Variants in RBFOX1 observed in about 807,000 individuals in gnomAD.
RBFOX1 encodes RNA binding protein fox-1 homolog 1.
A neutral mutation model predicts 57.7 loss-of-function variants in RBFOX1; 8 were observed. The ratio of observed to expected loss-of-function variants is 0.14; its 90% CI spans 0.08 to 0.25. The LOEUF (loss-of-function observed/expected upper bound fraction) is 0.25. Ranked by LOEUF, RBFOX1 falls within the 10% of genes least tolerant of loss-of-function variation. The pLI is 1.00. For synonymous variants in RBFOX1, 326 were observed against 222.4 expected (o/e 1.47, Z -4.15); for missense variants, 611 against 548.5 (o/e 1.11, Z -1.14).
chr16:7,580,040 T>C, intron 6 of RBFOX1, 120 bp downstream of exon 6: 2 of 1,090,338 alleles, frequency 1.8e-6, no homozygotes, highest in Non-Finnish European at 1.3e-6. Context: ...GGAGAAACAA[T>C]TTAGAGCCTA....
chr16:6,368,330 C>T (rs1474122926), intron 2 of RBFOX1, among the ~76,000 whole-genome samples: 1 of 152,232 alleles, frequency 6.6e-6, no homozygotes. Context: ...AATCTTCAGT[C>T]TGCAAGGGCA....
At chr16:7,217,973 C>T (rs879558074) in intron 4 of RBFOX1, among the ~76,000 whole-genome samples, 31 of 149,398 alleles carry the variant, frequency 2.1e-4, no homozygotes, top group East Asian at 1.6e-3. Context: ...CCTGTGTCTG[C>T]GTGTGTGCAT....
At chr16:7,700,806 G>T (rs1396701137) in intron 14 of RBFOX1, among the ~76,000 whole-genome samples, 4 of 152,086 alleles carry the variant, frequency 2.6e-5, no homozygotes, top group African/African-American at 9.7e-5. Context: ...TCTGCTGTTG[G>T]GTTTCAGAAT....
rs141460357 is a variant in RBFOX1 at position 6,819,215 on chromosome 16, C to T, written c.-16+164565C>T. Among the ~76,000 whole-genome samples the T allele has an allele frequency of 3.6e-3, 546 of 152,250 alleles. 4 individuals are homozygous for T. The Middle Eastern group carries it at 0.051, about 14-fold the overall frequency. On this transcript the variant is annotated intron_variant, in intron 3 of 15. Transcript: ENST00000550418. ...ATTCTGTTTATTTCCGTATAGAAAT[C>T]GTCTTCATTCCTGTGGTTGGCAATC...
intron 4 of RBFOX1, among the ~76,000 whole-genome samples, chr16:7,208,021 C>T (rs953769009): frequency 1.6e-4 from 25 of 152,156 alleles, no homozygotes; most frequent in Admixed American, 2.6e-4. Context: ...CTGAAACCGG[C>T]GCATGGTATC....
intron 3 of RBFOX1, among the ~76,000 whole-genome samples, chr16:6,981,656 G>T (rs950558070): frequency 1.3e-5 from 2 of 152,196 alleles, no homozygotes; most frequent in Non-Finnish European, 2.9e-5. Context: ...GCAAGCCAGA[G>T]AATTTGTGTA....
chr16:7,207,730 G>C (rs539125892), intron 4 of RBFOX1, among the ~76,000 whole-genome samples: 3 of 152,228 alleles, frequency 2.0e-5, no homozygotes, highest in Admixed American at 1.3e-4. Context: ...CTGTAAGGCA[G>C]TTGCCTCCAA....
At chr16:5,426,808 C>T (rs1028396420) in intron 1 of RBFOX1, among the ~76,000 whole-genome samples, 5 of 152,166 alleles carry the variant, frequency 3.3e-5, no homozygotes, top group Non-Finnish European at 7.3e-5. Flanking sequence ...TTAAATATAA[C>T]AACAGTAAAA....
chr16:7,231,486 G>T (rs966447317), intron 4 of RBFOX1, among the ~76,000 whole-genome samples: 2 of 152,036 alleles, frequency 1.3e-5, no homozygotes. Context: ...GCAGTTCCTC[G>T]GGAAGTTAAG....
At chr16:5,568,657 C>G (rs529090499) in intron 2 of RBFOX1, among the ~76,000 whole-genome samples, 1 of 152,154 alleles carries the variant, frequency 6.6e-6, no homozygotes, top group Admixed American at 6.5e-5. Flanking sequence ...TCCTGCAGTT[C>G]CTTGTCCACC....
intron 4 of RBFOX1, among the ~76,000 whole-genome samples, chr16:7,364,907 G>C (rs1213175869): frequency 2.0e-5 from 3 of 152,160 alleles, no homozygotes; most frequent in South Asian, 2.1e-4. Flanking sequence ...AAGGTGTAAT[G>C]GATACTAGTG....
At chr16:6,450,756 T>TATATATGTGTATATATATATATAC (rs2094573512) in intron 2 of RBFOX1, among the ~76,000 whole-genome samples, 1 of 48,898 alleles carries the variant, frequency 2.0e-5, no homozygotes, top group Non-Finnish European at 3.5e-5. Flanking sequence ...TATATATACA[T>TATATATGTGTATATATATATATAC]ATATATATGT....
At chr16:7,401,552 A>G (rs1358017826) in intron 4 of RBFOX1, among the ~76,000 whole-genome samples, 1 of 152,210 alleles carries the variant, frequency 6.6e-6, no homozygotes, top group Non-Finnish European at 1.5e-5. Context: ...TAACAATGCA[A>G]GCCTCTGGGC....
At chr16:7,269,075 C>T (rs1452696193) in intron 4 of RBFOX1, among the ~76,000 whole-genome samples, 1 of 137,584 alleles carries the variant, frequency 7.3e-6, no homozygotes, top group Non-Finnish European at 1.6e-5. Context: ...AAAAAAGAAT[C>T]AGCCTCTGGA....
At chr16:6,484,768 T>C (rs753626168) in intron 2 of RBFOX1, among the ~76,000 whole-genome samples, 3 of 152,182 alleles carry the variant, frequency 2.0e-5, no homozygotes, top group South Asian at 2.1e-4. Flanking sequence ...GTTGGCAGTG[T>C]CACCTTAGTA....
At chr16:5,499,091 G>A (rs762630517) in intron 2 of RBFOX1, among the ~76,000 whole-genome samples, 2 of 152,136 alleles carry the variant, frequency 1.3e-5, no homozygotes, top group Non-Finnish European at 2.9e-5. Flanking sequence ...TGGCCAGGCC[G>A]GCTCTGGTTT....
At chr16:5,592,723 G>T (rs1229132310) in intron 2 of RBFOX1, among the ~76,000 whole-genome samples, 1 of 152,220 alleles carries the variant, frequency 6.6e-6, no homozygotes, top group Non-Finnish European at 1.5e-5. Flanking sequence ...AGTCTCTGAG[G>T]TGTGGTGGAA....
At chr16:6,895,677 C>G (rs765467408) in intron 3 of RBFOX1, among the ~76,000 whole-genome samples, 21 of 151,136 alleles carry the variant, frequency 1.4e-4, no homozygotes, top group Non-Finnish European at 2.4e-4. Flanking sequence ...GGCAAAAGTA[C>G]CTGATGGAAG....
At chr16:6,241,533 C>T (rs1390398015) in intron 1 of RBFOX1, among the ~76,000 whole-genome samples, 1 of 152,168 alleles carries the variant, frequency 6.6e-6, no homozygotes, top group Non-Finnish European at 1.5e-5. Context: ...TTTCTATGAG[C>T]AAGAGCAATA....
Sources: gnomAD v4.1 joint callset for allele counts (sites outside exome capture counted in the v4.1 genomes callset) on GRCh38, gnomAD v4.1.1 for gene constraint, MANE v1.5 for transcripts, NCBI Gene and HGNC (gene_info 2026-07-23, HGNC 2026-07-21) for gene names.